Variants in NR2E1 observed in about 807,000 individuals in gnomAD.
The protein encoded by NR2E1 is nuclear receptor subfamily 2 group E member 1.
NR2E1 carries 5 observed loss-of-function variants against 43.6 expected under a neutral mutation model. The ratio of observed to expected loss-of-function variants is 0.11; its 90% confidence interval spans 0.06 to 0.24. The LOEUF (loss-of-function observed/expected upper bound fraction) is 0.24, where lower values mean the gene tolerates loss of function less well. Among genes scored for constraint, NR2E1 ranks in the 10% least tolerant of loss-of-function variants. The pLI is 1.00. For missense variants in NR2E1, 287 were observed against 496.7 expected (o/e 0.58, Z 4.01); for synonymous variants, 191 against 195.5 (o/e 0.98, Z 0.19).
At position 108,184,771 on chromosome 6, in the gene NR2E1, CAAGTA is replaced by C. The variant is rs1186015100; in HGVS notation, c.996-2524_996-2520del. Among the ~76,000 whole-genome samples the C allele has an allele frequency of 3.3e-5, 5 of 152,100 alleles. No individual in the cohort carries two copies. In the Middle Eastern group the frequency reaches 0.014, roughly 414 times the overall value. On this transcript the variant is annotated intron_variant, in intron 8 of 8. Coordinates refer to ENST00000368986, the MANE Select transcript of NR2E1 (RefSeq NM_003269.5). Reference sequence around the variant, plus strand: ...ACAACAGCCTATTTTAGAGAAATGGCAAGTAAAGTACATCTCCCCAACACCGCAAA... The same window carrying C: ...ACAACAGCCTATTTTAGAGAAATGGCAAGTACATCTCCCCAACACCGCAAA...
At chr6:108,179,856 A>G (rs1377409073) in intron 5 of NR2E1, among the ~76,000 whole-genome samples, 1 of 152,080 alleles carries the variant, frequency 6.6e-6, no homozygotes. Flanking sequence ...GCCTCTTGGG[A>G]ATTAGTGATC....
Position 108,188,549 on chromosome 6 carries a change from ACACCG to A in NR2E1, c.*1087_*1091del, listed in dbSNP as rs1193230141. On this transcript the variant is annotated 3_prime_UTR_variant, in exon 9 of 9. Coordinates refer to ENST00000368986, the MANE Select transcript of NR2E1 (RefSeq NM_003269.5). ...CACACACACACACACACACACACAC[ACACCG>A]TCCTACACTTTAAGCTGCTCCTTTG... is the stretch of plus-strand genomic sequence containing the variant. 1.4e-4 allele frequency: 21 copies of A among 148,674 alleles called. No homozygotes were observed. Among genetic ancestry groups the A allele is most frequent in the African/African-American group, 4.8e-4 (19 of 39,412 alleles). The allele number at this position is 148,674 out of a possible 1,614,324, so 9.2% of individuals were successfully genotyped here. A position where few individuals can be genotyped will look rare whatever the true frequency, so the allele number is the denominator to read the frequency against.
At chr6:108,178,302 C>G in intron 5 of NR2E1, 61 bp downstream of exon 5, 1 of 1,582,494 alleles carries the variant, frequency 6.3e-7, no homozygotes. Context: ...AGCACTCAGC[C>G]TTATAAAACT....
In NR2E1 at chr6:108,187,996, A is replaced by T. The variant is rs1774102331; in HGVS notation, c.*533A>T. ...AATACATTATTAAGTGGCCTTCAGA[A>T]CTGAGTTAATAAGTGAAAAGTAGCT... On this transcript the variant is annotated 3_prime_UTR_variant, in exon 9 of 9. Transcript: ENST00000368986. The T allele has an allele frequency of 6.3e-6, 1 of 159,820 alleles. No individual in the cohort carries two copies. The highest frequency in any genetic ancestry group is 1.4e-5 in the Non-Finnish European group (1 of 71,876). 9.9% of individuals were successfully genotyped at this position (159,820 alleles called of 1,614,324 possible). A position where few individuals can be genotyped will look rare whatever the true frequency, so the allele number is the denominator to read the frequency against.
intron 3 of NR2E1, 72 bp downstream of exon 3, chr6:108,174,995 C>T (rs1248331413): frequency 7.4e-7 from 1 of 1,353,312 alleles, no homozygotes; most frequent in Non-Finnish European, 1.1e-6. Context: ...AAATACATGG[C>T]ACTCCTATGC....
At position 108,166,655 on chromosome 6, in the gene NR2E1, C is replaced by G. The variant is rs1773712381; in HGVS notation, c.-111C>G. ...GACACCCACCTGTCCCGCCCAGGAG[C>G]CTTGCAGGCTGGAGGGCAGCTGGAG... is the stretch of plus-strand genomic sequence containing the variant. On this transcript the variant is annotated 5_prime_UTR_variant, in exon 1 of 9. Transcript: ENST00000368986. This position sits in a 1 kb window ranked among gnomAD's most constrained non-coding sequence, Gnocchi z 7.2. 1 of 867,764 alleles carries G rather than the reference C, an allele frequency of 1.2e-6. No homozygotes were observed. Among genetic ancestry groups the G allele is most frequent in the Non-Finnish European group, 1.7e-6 (1 of 597,264 alleles). 53.8% of individuals were successfully genotyped at this position (867,764 alleles called of 1,614,324 possible).
chr6:108,175,026 G>C (rs879476359), intron 3 of NR2E1, 103 bp downstream of exon 3: 4 of 1,110,090 alleles, frequency 3.6e-6, no homozygotes, highest in Non-Finnish European at 4.0e-6. Flanking sequence ...ACCCCGGAGC[G>C]CTTCTTTCCA....
At chr6:108,168,245 A>T in intron 1 of NR2E1, 1 of 1,399,086 alleles carries the variant, frequency 7.1e-7, no homozygotes, top group Non-Finnish European at 9.6e-7. Flanking sequence ...TTTCTGTTGC[A>T]TTCTGAGCCT....
In NR2E1 at chr6:108,166,697, G is replaced by T. The variant is rs1295886648; in HGVS notation, c.-69G>T. 2.2e-6 allele frequency: 3 copies of T among 1,355,362 alleles called. No individual in the cohort carries two copies. Among genetic ancestry groups the T allele is most frequent in the Non-Finnish European group, 2.9e-6 (3 of 1,031,210 alleles). The allele number at this position is 1,355,362 out of a possible 1,614,324, so 84.0% of individuals were successfully genotyped here. A position where few individuals can be genotyped will look rare whatever the true frequency, so the allele number is the denominator to read the frequency against. Reference sequence around the variant, plus strand: ...CAGCTGGAGAGCGGCGGCGCCCGGCGGCGAGGCGGGCGCTGCCGGCCGGGA... The same window carrying T: ...CAGCTGGAGAGCGGCGGCGCCCGGCTGCGAGGCGGGCGCTGCCGGCCGGGA... On this transcript the variant is annotated 5_prime_UTR_variant, in exon 1 of 9. Coordinates refer to ENST00000368986, the MANE Select transcript of NR2E1 (RefSeq NM_003269.5). The surrounding 1 kb of genome is among the most constrained non-coding windows in gnomAD (Gnocchi z 7.2).
rs1773777287 is a variant in NR2E1 at position 108,169,904 on chromosome 6, C to T, written c.26-1554C>T. On this transcript the variant is annotated intron_variant, in intron 1 of 8. Coordinates refer to ENST00000368986, the MANE Select transcript of NR2E1 (RefSeq NM_003269.5). The surrounding 1 kb of genome is among the most constrained non-coding windows in gnomAD (Gnocchi z 6.1). ...TGGTGGCTCTATAGGCAGGTGCTGC[C>T]GCGGGGTTGTAATTACCCGGCCGAG... Among the ~76,000 whole-genome samples the T allele has an allele frequency of 6.6e-6, 1 of 152,116 alleles. No homozygotes were observed. Among genetic ancestry groups the T allele is most frequent in the African/African-American group, 2.4e-5 (1 of 41,434 alleles).
At chr6:108,168,125 G>T (rs769141570) in intron 1 of NR2E1, 2 of 1,602,662 alleles carry the variant, frequency 1.2e-6, no homozygotes, top group Admixed American at 1.7e-5. Context: ...CTTTAGGCTC[G>T]GGCCTACCCT....
rs1337626106 is a variant in NR2E1 at position 108,176,723 on chromosome 6, T to A, written c.480T>A (p.Ala160=). The A allele has an allele frequency of 1.9e-6, 3 of 1,574,828 alleles. No individual in the cohort carries two copies. The highest frequency in any genetic ancestry group is 2.6e-6 in the Non-Finnish European group (3 of 1,165,830). ...TPERQTLVSL[A]QPTPKYPHEV... is the part of the protein sequence containing the mutation. Reference sequence around the variant, plus strand: ...AGCGGCAGACCCTCGTGAGCCTGGCTCAGCCCACGCCCAAGGTCAGCGGCC... The same window carrying A: ...AGCGGCAGACCCTCGTGAGCCTGGCACAGCCCACGCCCAAGGTCAGCGGCC... The change falls in exon 4 of 9, where the codon GCT becomes GCA. Residue 160 remains alanine, a synonymous_variant. Coordinates refer to ENST00000368986, the MANE Select transcript of NR2E1 (RefSeq NM_003269.5).
chr6:108,166,372 GA>G lies in NR2E1; in HGVS notation c.-389del. The G allele has an allele frequency of 4.8e-6, 1 of 209,524 alleles. No individual in the cohort carries two copies. Among genetic ancestry groups the G allele is most frequent in the Non-Finnish European group, 9.3e-6 (1 of 107,898 alleles). 13.0% of individuals were successfully genotyped at this position (209,524 alleles called of 1,614,324 possible). ...TCGAAGACTGAGTGACAGGAATGGGGAAAAAGAGGGATTTCGCTCCGTAGGA... is the reference window on the plus strand; with the variant it reads ...TCGAAGACTGAGTGACAGGAATGGGGAAAAGAGGGATTTCGCTCCGTAGGA... On this transcript the variant is annotated 5_prime_UTR_variant, in exon 1 of 9. The change abolishes the stop of an existing upstream ORF in the 5' untranslated region. Coordinates refer to ENST00000368986, the MANE Select transcript of NR2E1 (RefSeq NM_003269.5). This position sits in a 1 kb window ranked among gnomAD's most constrained non-coding sequence, Gnocchi z 7.2.
intron 3 of NR2E1, chr6:108,176,022 A>C: frequency 1.3e-5 from 2 of 158,478 alleles, no homozygotes; most frequent in Non-Finnish European, 2.8e-5. Context: ...GCCAAAAGCT[A>C]TTTCTGTGGG....
At position 108,187,664 on chromosome 6, in the gene NR2E1, A is replaced by AG; in HGVS notation, c.*205dup. The AG allele has an allele frequency of 1.7e-6, 1 of 590,894 alleles. No individual in the cohort carries two copies. The highest frequency in any genetic ancestry group is 3.1e-5 in the East Asian group (1 of 32,212). 36.6% of individuals were successfully genotyped at this position (590,894 alleles called of 1,614,324 possible). Reference sequence around the variant, plus strand: ...CCAGGATAGGGCGGGTGGGAAGGAGAGGGGTGCAACAGGACCGCCTGCACT... The same window carrying AG: ...CCAGGATAGGGCGGGTGGGAAGGAGAGGGGGTGCAACAGGACCGCCTGCACT... On this transcript the variant is annotated 3_prime_UTR_variant, in exon 9 of 9. Transcript: ENST00000368986.
rs773849881 is a variant in NR2E1, at chr6:108,171,579, C to A, written c.147C>A (p.Thr49=). 2 of 1,614,140 alleles carry A rather than the reference C, an allele frequency of 1.2e-6. No homozygotes were observed. The highest frequency in any genetic ancestry group is 2.2e-5 in the South Asian group (2 of 91,088). ...FFKRSIRRNR[T]YVCKSGNQGG... ...AACGGAGCATCCGAAGGAATAGGAC[C>A]TATGTCTGCAAATCTGGAAACCAGG... is the stretch of plus-strand genomic sequence containing the variant. The change falls in exon 2 of 9, where the codon ACC becomes ACA. Residue 49 remains threonine (T), a synonymous_variant. Transcript: ENST00000368986.
chr6:108,177,302 C>A (rs1456581541), intron 4 of NR2E1, among the ~76,000 whole-genome samples: 1 of 152,260 alleles, frequency 6.6e-6, no homozygotes, highest in Non-Finnish European at 1.5e-5. Context: ...ATGCTCCCCT[C>A]ACCTACTTCT....
intron 1 of NR2E1, among the ~76,000 whole-genome samples, chr6:108,168,346 G>A (rs1773747695): frequency 6.6e-6 from 1 of 152,236 alleles, no homozygotes; most frequent in East Asian, 1.9e-4. Context: ...TGGAAGTAAG[G>A]AGCCCCGGGC....
chr6:108,166,867 T>C lies in NR2E1; in HGVS notation c.25+77T>C, dbSNP rs570131329. ...CGAGCGGGGAGGCTGGGGGAGGTCC[T>C]GCCTGGAGCGCTGCGAATCTGAGCC... is the stretch of plus-strand genomic sequence containing the variant. On this transcript the variant is annotated intron_variant, in intron 1 of 8. Transcript: ENST00000368986. The surrounding 1 kb of genome is among the most constrained non-coding windows in gnomAD (Gnocchi z 7.2). 2.8e-6 allele frequency: 4 copies of C among 1,427,968 alleles called. No homozygotes were observed. The highest frequency in any genetic ancestry group is 3.8e-6 in the Non-Finnish European group (4 of 1,040,970). 88.5% of individuals were successfully genotyped at this position (1,427,968 alleles called of 1,614,324 possible).
Sources: allele counts gnomAD v4.1 joint callset (sites outside exome capture counted in the v4.1 genomes callset), GRCh38; gene constraint gnomAD v4.1.1; non-coding constraint Gnocchi (gnomAD v3.1); transcripts MANE v1.5; gene names NCBI Gene and HGNC (gene_info 2026-07-23, HGNC 2026-07-21).